Variants in MICU2 observed in about 807,000 individuals in gnomAD.
The protein encoded by MICU2 is mitochondrial calcium uptake 2.
A neutral mutation model predicts 60.4 loss-of-function variants in MICU2; 64 were observed. The observed-to-expected ratio is 1.06, with a 90% CI of 0.87 to 1.31. MICU2 has a LOEUF of 1.31. Among genes scored for constraint, MICU2 ranks in the 50% most tolerant of loss-of-function variants. The pLI is 0.00. For missense variants in MICU2, 569 were observed against 531.0 expected (o/e 1.07, Z -0.70); for synonymous variants, 201 against 175.0 (o/e 1.15, Z -1.17).
At chr13:21,585,471 A>G (rs2094437317) in intron 1 of MICU2, among the ~76,000 whole-genome samples, 1 of 152,226 alleles carries the variant, frequency 6.6e-6, no homozygotes. Flanking sequence ...ACACAAATAT[A>G]CTAGCAGTAC....
At chr13:21,512,622 T>G (rs1216032659) in intron 7 of MICU2, among the ~76,000 whole-genome samples, 1 of 152,080 alleles carries the variant, frequency 6.6e-6, no homozygotes, top group Non-Finnish European at 1.5e-5. Context: ...TAATTTTTTT[T>G]GTATTTTTAG....
chr13:21,559,310 CT>C (rs1483491779), intron 2 of MICU2, among the ~76,000 whole-genome samples: 2 of 152,180 alleles, frequency 1.3e-5, no homozygotes, highest in Non-Finnish European at 2.9e-5. Flanking sequence ...TTTATCCAGT[CT>C]GTTATTAAGG....
intron 1 of MICU2, among the ~76,000 whole-genome samples, chr13:21,585,056 G>A (rs961387097): frequency 6.6e-6 from 1 of 152,198 alleles, no homozygotes; most frequent in Non-Finnish European, 1.5e-5. Context: ...TAGATTTACA[G>A]TAGGATCGTT....
At chr13:21,516,756 C>T (rs1422789134) in intron 6 of MICU2, among the ~76,000 whole-genome samples, 1 of 152,180 alleles carries the variant, frequency 6.6e-6, no homozygotes, top group Non-Finnish European at 1.5e-5. Context: ...TCCCTGACAA[C>T]TCACGTAAAA....
chr13:21,512,445 ATTTTTTTTTTT>A lies in MICU2; in HGVS notation c.663+1897_663+1907del, dbSNP rs139822285. ...GTCCTCTGATGAACACAAATTTTTA[ATTTTTTTTTTT>A]TTTTTTTTTGAGACGGAGTCTCGCT... On this transcript the variant is annotated intron_variant, in intron 7 of 11. Transcript: ENST00000382374. 9.5e-3 allele frequency among the ~76,000 whole-genome samples: 1,193 copies of A among 125,254 alleles called. 15 individuals carry two copies. Among genetic ancestry groups the A allele is most frequent in the African/African-American group, 0.034 (1,136 of 33,254 alleles). The allele number at this position is 125,254 out of a possible 152,430, so 82.2% of individuals were successfully genotyped here. A position where few individuals can be genotyped will look rare whatever the true frequency, so the allele number is the denominator to read the frequency against.
Position 21,496,178 on chromosome 13 carries a change from T to C in MICU2, c.934-18A>G. On this transcript the variant is annotated intron_variant, in intron 9 of 11. Transcript: ENST00000382374. ...CTAATGCTCTAATAAAGTAAGAGTT[T>C]TTATTACAATTTTGTAAGTACATTA... The C allele has an allele frequency of 6.4e-7, 1 of 1,557,738 alleles. No homozygotes were observed. Among genetic ancestry groups the C allele is most frequent in the African/African-American group, 1.4e-5 (1 of 73,196 alleles).
chr13:21,556,460 C>T (rs1887711462), intron 2 of MICU2, among the ~76,000 whole-genome samples: 1 of 152,128 alleles, frequency 6.6e-6, no homozygotes, highest in African/African-American at 2.4e-5. Flanking sequence ...TTTTTGAGAT[C>T]TCATCAAGTA....
At chr13:21,495,070 T>G in intron 11 of MICU2, 91 bp downstream of exon 11, 6 of 859,418 alleles carry the variant, frequency 7.0e-6, no homozygotes, top group Non-Finnish European at 9.9e-6. Context: ...TGATGAAAAC[T>G]CCATTTAAAG....
At chr13:21,541,694 A>C (rs1318948149) in intron 2 of MICU2, among the ~76,000 whole-genome samples, 2 of 152,182 alleles carry the variant, frequency 1.3e-5, no homozygotes, top group Non-Finnish European at 1.5e-5. Context: ...GATTTTTCAA[A>C]AACAGGTGTT....
At chr13:21,536,448 C>A (rs986690535) in intron 4 of MICU2, among the ~76,000 whole-genome samples, 2 of 152,108 alleles carry the variant, frequency 1.3e-5, no homozygotes, top group African/African-American at 2.4e-5. Flanking sequence ...TCACCTCACC[C>A]TCCCAAGTAG....
chr13:21,515,558 A>G (rs1431134932), intron 6 of MICU2: 1 of 440,624 alleles, frequency 2.3e-6, no homozygotes, highest in Non-Finnish European at 4.6e-6. Flanking sequence ...CAATTGTATC[A>G]ATCCTCATAT....
rs568944449 is a variant in MICU2, at chr13:21,539,459, C to T, written c.391-82G>A. On this transcript the variant is annotated intron_variant, in intron 3 of 11. Coordinates refer to ENST00000382374, the MANE Select transcript of MICU2 (RefSeq NM_152726.3). ...GACTACAGACGCCCACCTCCATAGC[C>T]GGCTAATTTCTTTTTGTATTTTTAG... is the stretch of plus-strand genomic sequence containing the variant. 75 of 1,382,202 alleles carry T rather than the reference C, an allele frequency of 5.4e-5. No homozygotes were observed. The African/African-American group carries it at 7.9e-4, about 15-fold the overall frequency. 85.6% of individuals were successfully genotyped at this position (1,382,202 alleles called of 1,614,324 possible). A position where few individuals can be genotyped will look rare whatever the true frequency, so the allele number is the denominator to read the frequency against.
At chr13:21,569,670 A>C (rs995135311) in intron 1 of MICU2, among the ~76,000 whole-genome samples, 11 of 151,624 alleles carry the variant, frequency 7.3e-5, no homozygotes, top group African/African-American at 2.2e-4. Context: ...ATTATATATT[A>C]ATATATAATA....
At position 21,560,688 on chromosome 13, in the gene MICU2, G is replaced by A. The variant is rs376576263; in HGVS notation, c.358+6109C>T. On this transcript the variant is annotated intron_variant, in intron 2 of 11. Coordinates refer to ENST00000382374, the MANE Select transcript of MICU2 (RefSeq NM_152726.3). ...AGCACACATTTACCTACCCCATTGG[G>A]ATTATTGCAATTACACTGAATTTAT... 2.1e-3 allele frequency among the ~76,000 whole-genome samples: 321 copies of A among 152,204 alleles called. 1 individual carries two copies. The highest frequency in any genetic ancestry group is 7.5e-3 in the African/African-American group (311 of 41,528).
chr13:21,530,772 C>A, intron 4 of MICU2: 1 of 638,392 alleles, frequency 1.6e-6, no homozygotes, highest in South Asian at 1.8e-5. Context: ...TACCCACCAC[C>A]GCCCCAGCAG....
intron 2 of MICU2, among the ~76,000 whole-genome samples, chr13:21,563,163 A>G (rs1437070310): frequency 6.6e-6 from 1 of 152,042 alleles, no homozygotes; most frequent in Non-Finnish European, 1.5e-5. Context: ...TCTGTTCTCT[A>G]AAATTTTTCT....
chr13:21,568,976 G>C (rs1888046065), intron 1 of MICU2, among the ~76,000 whole-genome samples: 1 of 151,930 alleles, frequency 6.6e-6, no homozygotes, highest in Non-Finnish European at 1.5e-5. Flanking sequence ...AGTTATTCAG[G>C]GAAGTGCCAT....
At chr13:21,546,125 C>T (rs746191566) in intron 2 of MICU2, among the ~76,000 whole-genome samples, 1 of 152,020 alleles carries the variant, frequency 6.6e-6, no homozygotes, top group Non-Finnish European at 1.5e-5. Context: ...AAGTATATGG[C>T]TTGTTTATGT....
intron 8 of MICU2, among the ~76,000 whole-genome samples, chr13:21,504,811 T>C (rs954400834): frequency 1.3e-5 from 2 of 152,208 alleles, no homozygotes; most frequent in Non-Finnish European, 2.9e-5. Context: ...GCAGGGGAGC[T>C]TGACATTGGC....
Sources: allele counts gnomAD v4.1 joint callset (sites outside exome capture counted in the v4.1 genomes callset), GRCh38; gene constraint gnomAD v4.1.1; transcripts MANE v1.5; gene names NCBI Gene and HGNC (gene_info 2026-07-23, HGNC 2026-07-21).